C19orf38: variants seen among roughly 807,000 people sequenced by gnomAD.
C19orf38 encodes the protein protein HIDE1.
C19orf38 carries 14 observed loss-of-function variants against 26.6 expected under a neutral mutation model. The ratio of observed to expected loss-of-function variants is 0.53; its 90% CI spans 0.35 to 0.82. C19orf38 has a LOEUF of 0.82. Among genes scored for constraint, C19orf38 ranks in the 40% least tolerant of loss-of-function variants. C19orf38 has a pLI of 0.01. For missense variants in C19orf38, 261 were observed against 299.5 expected, an observed-to-expected ratio of 0.87 and a Z score of 0.95; for synonymous variants, 132 against 128.5, an observed-to-expected ratio of 1.03 and a Z score of -0.18.
At chr19:10,862,042 G>GC (rs1397385802) in intron 5 of C19orf38, among the ~76,000 whole-genome samples, 1 of 151,878 alleles carries the variant, frequency 6.6e-6, no homozygotes, top group Non-Finnish European at 1.5e-5. Flanking sequence ...GGGACTACAG[G>GC]CGCCCGCCAC....
intron 6 of C19orf38, among the ~76,000 whole-genome samples, chr19:10,867,080 G>A (rs1378938429): frequency 6.6e-6 from 1 of 151,106 alleles, no homozygotes; most frequent in African/African-American, 2.4e-5. Context: ...ATGAGCCACC[G>A]TGCCCGGCCC....
intron 1 of C19orf38, among the ~76,000 whole-genome samples, chr19:10,838,389 G>A (rs1015552693): frequency 6.6e-6 from 1 of 152,158 alleles, no homozygotes; most frequent in Non-Finnish European, 1.5e-5. Context: ...CAGCCTGGGC[G>A]ACAGAGCAGG....
At chr19:10,867,142 T>G (rs1163600726) in intron 6 of C19orf38, among the ~76,000 whole-genome samples, 1 of 151,774 alleles carries the variant, frequency 6.6e-6, no homozygotes, top group African/African-American at 2.4e-5. Context: ...CACTCCCCGT[T>G]GTCCCTCCCC....
upstream of C19orf38, among the ~76,000 whole-genome samples, chr19:10,847,773 C>G (rs976129185): frequency 1.3e-5 from 2 of 152,192 alleles, no homozygotes; most frequent in African/African-American, 4.8e-5. Context: ...ACCACCATGT[C>G]CTCCCACTCC....
At chr19:10,845,309 G>A (rs891139723), upstream of C19orf38, among the ~76,000 whole-genome samples, 4 of 152,048 alleles carry the variant, frequency 2.6e-5, no homozygotes, top group African/African-American at 7.2e-5. Context: ...AATGTGGATC[G>A]AGATACCCTG....
chr19:10,848,747 A>G (rs899066793), intron 1 of C19orf38, among the ~76,000 whole-genome samples: 85 of 151,916 alleles, frequency 5.6e-4, no homozygotes, highest in African/African-American at 2.0e-3. Context: ...CATCACCCCC[A>G]AGTTTATGAA....
At position 10,863,271 on chromosome 19, in the gene C19orf38, G is replaced by C. The variant is rs951786154; in HGVS notation, c.543+64G>C. On this transcript the variant is annotated intron_variant, in intron 6 of 6. Coordinates refer to ENST00000397820, the MANE Select transcript of C19orf38 (RefSeq NM_001136482.3). ...CCGTCCTACCGGGAGAACGGGGCGG[G>C]CTCAAGGGGCACCACGAGGCTAAGT... 2.0e-6 allele frequency: 3 copies of C among 1,503,756 alleles called. No individual in the cohort carries two copies. In the African/African-American group the frequency reaches 4.2e-5, roughly 21 times the overall value. 93.2% of individuals were successfully genotyped at this position (1,503,756 alleles called of 1,614,324 possible). A position where few individuals can be genotyped will look rare whatever the true frequency, so the allele number is the denominator to read the frequency against.
intron 2 of C19orf38, among the ~76,000 whole-genome samples, chr19:10,854,761 G>A (rs910450664): frequency 1.3e-5 from 2 of 152,116 alleles, no homozygotes; most frequent in African/African-American, 4.8e-5. Context: ...AGGGTCTACC[G>A]TTGGGCTGGG....
chr19:10,869,441 GCT>G lies in C19orf38; in HGVS notation c.*77_*78del. Reference sequence around the variant, plus strand: ...GGTCCCTCCAGCTACTTCTGGGGGGGCTCTGTCAGCCACTTTCTCAGGGAATT... The same window carrying G: ...GGTCCCTCCAGCTACTTCTGGGGGGGCTGTCAGCCACTTTCTCAGGGAATT... On this transcript the variant is annotated 3_prime_UTR_variant, in exon 7 of 7. Transcript: ENST00000397820. 2 of 1,446,946 alleles carry G rather than the reference GCT, an allele frequency of 1.4e-6. No homozygotes were observed. Among genetic ancestry groups the G allele is most frequent in the Non-Finnish European group, 1.8e-6 (2 of 1,092,590 alleles). 89.6% of individuals were successfully genotyped at this position (1,446,946 alleles called of 1,614,324 possible).
intron 2 of C19orf38, 81 bp downstream of exon 2, chr19:10,850,648 G>A: frequency 6.9e-7 from 1 of 1,442,400 alleles, no homozygotes; most frequent in Non-Finnish European, 9.4e-7. Context: ...TGACTCAGAG[G>A]CCTTCCCAGA....
At chr19:10,859,342 G>A (rs927500842) in intron 4 of C19orf38, among the ~76,000 whole-genome samples, 4 of 52,954 alleles carry the variant, frequency 7.6e-5, no homozygotes, top group Non-Finnish European at 1.4e-4. Flanking sequence ...GTGTGTGTGT[G>A]TGTGTGTATA....
rs1599665359 is a variant in C19orf38 at position 10,856,364 on chromosome 19, G to A, written c.433+7G>A. ...GCCCTGGTGGTCAGAAAAGGTAACAGCACGCAAAGCCTGGCACACAAGTTG... is the reference window on the plus strand; with the variant it reads ...GCCCTGGTGGTCAGAAAAGGTAACAACACGCAAAGCCTGGCACACAAGTTG... On this transcript the variant is annotated splice_region_variant and intron_variant, in intron 3 of 6. Coordinates refer to ENST00000397820, the MANE Select transcript of C19orf38 (RefSeq NM_001136482.3). The A allele has an allele frequency of 2.6e-6, 4 of 1,549,434 alleles. No individual in the cohort carries two copies. Among genetic ancestry groups the A allele is most frequent in the Non-Finnish European group, 3.5e-6 (4 of 1,145,052 alleles).
chr19:10,862,121 C>G (rs1042733736), intron 5 of C19orf38, among the ~76,000 whole-genome samples: 5 of 150,746 alleles, frequency 3.3e-5, no homozygotes, highest in African/African-American at 1.2e-4. Context: ...AGGATGGTCT[C>G]GATCTCCTGA....
At chr19:10,846,376 T>A (rs1005751574), upstream of C19orf38, among the ~76,000 whole-genome samples, 4 of 150,726 alleles carry the variant, frequency 2.7e-5, no homozygotes, top group East Asian at 2.0e-4. Flanking sequence ...AAAAAAAATT[T>A]TTTTTTAATA....
At chr19:10,837,470 C>CT (rs376072634) in intron 1 of C19orf38, among the ~76,000 whole-genome samples, 37 of 63,202 alleles carry the variant, frequency 5.9e-4, no homozygotes, top group African/African-American at 2.0e-3. Flanking sequence ...GACTCCTTTT[C>CT]TTTTTTTTCT....
In C19orf38 at chr19:10,869,315, C is replaced by G. The variant is rs537302791; in HGVS notation, c.641C>G (p.Thr214Arg). 6.4e-7 allele frequency: 1 copy of G among 1,551,658 alleles called. No individual in the cohort carries two copies. Among genetic ancestry groups the G allele is most frequent in the Non-Finnish European group, 8.7e-7 (1 of 1,146,990 alleles). The stretch of plus-strand genomic sequence containing the variant: ...AGGACCCGGAAGAGGCCCACTTCCA[C>G]GTCCTCCTCGCCTGAGACCCCCGAA... ...NSRTRKRPTS[T>R]SSSPETPEFS... The change falls in exon 7 of 7, where the codon ACG (threonine) becomes AGG (arginine). Residue 214 changes from threonine to arginine, a missense_variant. Physicochemically the swap from Thr to Arg is moderately conservative, Grantham distance 71. Transcript: ENST00000397820.
intron 1 of C19orf38, among the ~76,000 whole-genome samples, chr19:10,842,948 CAAG>C (rs2073490127): frequency 6.6e-6 from 1 of 152,126 alleles, no homozygotes; most frequent in Non-Finnish European, 1.5e-5. Context: ...GTCCTGCATC[CAAG>C]AAGAATGAGG....
intron 5 of C19orf38, chr19:10,860,234 G>A: frequency 2.6e-6 from 1 of 382,270 alleles, no homozygotes; most frequent in Non-Finnish European, 4.9e-6. Context: ...TTACCCCTCG[G>A]TAGAAATACA....
upstream of C19orf38, among the ~76,000 whole-genome samples, chr19:10,844,446 C>G (rs1191683282): frequency 6.7e-6 from 1 of 150,150 alleles, no homozygotes; most frequent in Admixed American, 6.6e-5. Flanking sequence ...CGTGGTGGCT[C>G]ACGCCTGTAA....
Sources: gnomAD v4.1 joint callset for allele counts (sites outside exome capture counted in the v4.1 genomes callset) on GRCh38, gnomAD v4.1.1 for gene constraint, MANE v1.5 for transcripts, NCBI Gene and HGNC (gene_info 2026-07-23, HGNC 2026-07-21) for gene names.